The following GALNT10 variants were observed in gnomAD, a reference collection of about 807,000 sequenced individuals.
GALNT10 encodes the protein GalNAc transferase 10.
In GALNT10, 41 loss-of-function variants were observed where a neutral mutation model predicts 75.0. That is an observed-to-expected ratio of 0.55 (90% confidence interval 0.43 to 0.71). The LOEUF is 0.71. Ranked by LOEUF, GALNT10 falls within the 30% of genes least tolerant of loss-of-function variation. GALNT10 has a pLI of 0.00. For synonymous variants in GALNT10, 302 were observed against 313.0 expected, an observed-to-expected ratio of 0.96 and a Z score of 0.37; for missense variants, 727 against 818.5, an observed-to-expected ratio of 0.89 and a Z score of 1.36.
chr5:154,356,936 T>A (rs1265962675), intron 4 of GALNT10, among the ~76,000 whole-genome samples: 1 of 152,278 alleles, frequency 6.6e-6, no homozygotes, highest in African/African-American at 2.4e-5. Context: ...TGATTTTTAG[T>A]GTCTTAAAAG....
intron 3 of GALNT10, among the ~76,000 whole-genome samples, chr5:154,304,883 C>A (rs540571421): frequency 3.0e-4 from 46 of 152,194 alleles, no homozygotes; most frequent in African/African-American, 1.0e-3. Flanking sequence ...ACTATAAACC[C>A]TAAAGCAAGC....
At chr5:154,270,871 G>A (rs1753850433) in intron 1 of GALNT10, among the ~76,000 whole-genome samples, 1 of 151,754 alleles carries the variant, frequency 6.6e-6, no homozygotes, top group African/African-American at 2.4e-5. Context: ...GCGCACACCT[G>A]TAGTCCCAGC....
intron 3 of GALNT10, among the ~76,000 whole-genome samples, chr5:154,305,889 G>A (rs781388081): frequency 2.6e-5 from 4 of 152,052 alleles, no homozygotes; most frequent in Admixed American, 2.0e-4. Flanking sequence ...ATGGTGGCAC[G>A]TGCCTGTAAT....
chr5:154,289,510 T>A (rs1754160030), intron 1 of GALNT10, among the ~76,000 whole-genome samples: 1 of 152,128 alleles, frequency 6.6e-6, no homozygotes, highest in African/African-American at 2.4e-5. Flanking sequence ...AAGCTTACAG[T>A]CTATTCCAGG....
intron 1 of GALNT10, among the ~76,000 whole-genome samples, chr5:154,229,522 A>C (rs1490338315): frequency 6.6e-6 from 1 of 152,058 alleles, no homozygotes; most frequent in Non-Finnish European, 1.5e-5. Context: ...AGGTCAGGAG[A>C]TCGAGACCAT....
chr5:154,194,464 C>T (rs1365340277), intron 1 of GALNT10, among the ~76,000 whole-genome samples: 1 of 152,164 alleles, frequency 6.6e-6, no homozygotes, highest in African/African-American at 2.4e-5. Context: ...AAATCTGATG[C>T]CACTAGGGAA....
intron 3 of GALNT10, among the ~76,000 whole-genome samples, chr5:154,322,847 A>T (rs1754695751): frequency 6.6e-6 from 1 of 152,220 alleles, no homozygotes; most frequent in East Asian, 1.9e-4. Context: ...TACAGCTACA[A>T]ATCAAGAGAT....
intron 8 of GALNT10, among the ~76,000 whole-genome samples, chr5:154,406,694 G>A (rs1352932973): frequency 6.6e-6 from 1 of 152,180 alleles, no homozygotes; most frequent in Non-Finnish European, 1.5e-5. Context: ...CTACTAGGGA[G>A]GCTGAGGCAG....
rs141452682 is a variant in GALNT10 at position 154,418,486 on chromosome 5, C to T, written c.*1514C>T. On this transcript the variant is annotated 3_prime_UTR_variant, in exon 12 of 12. Transcript: ENST00000297107. Reference sequence around the variant, plus strand: ...AGAAATGGAAATCACATTCCACAATCTATGGCTTCCACCAGCTAGCCCAGG... The same window carrying T: ...AGAAATGGAAATCACATTCCACAATTTATGGCTTCCACCAGCTAGCCCAGG... The T allele has an allele frequency of 6.6e-6, 1 of 152,268 alleles. No homozygotes were observed. Among genetic ancestry groups the T allele is most frequent in the Admixed American group, 6.5e-5 (1 of 15,292 alleles). 9.4% of individuals were successfully genotyped at this position (152,268 alleles called of 1,614,324 possible).
intron 4 of GALNT10, among the ~76,000 whole-genome samples, chr5:154,360,407 C>T (rs1423214004): frequency 2.0e-5 from 3 of 149,588 alleles, no homozygotes; most frequent in Non-Finnish European, 3.0e-5. Context: ...GCCACGATTG[C>T]GCCACTGCAT....
At chr5:154,218,043 C>T in intron 1 of GALNT10, 1 of 985,142 alleles carries the variant, frequency 1.0e-6, no homozygotes, top group Non-Finnish European at 1.2e-6. Context: ...CTTCCCCACC[C>T]CAGCCTGGGC....
chr5:154,280,276 T>C (rs1309284286), intron 1 of GALNT10, among the ~76,000 whole-genome samples: 4 of 152,012 alleles, frequency 2.6e-5, no homozygotes, highest in Admixed American at 1.3e-4. Context: ...GTAGAGGAGA[T>C]AGGAAGAGGT....
intron 1 of GALNT10, among the ~76,000 whole-genome samples, chr5:154,249,567 C>A (rs986913925): frequency 6.6e-6 from 1 of 152,102 alleles, no homozygotes; most frequent in Non-Finnish European, 1.5e-5. Context: ...TCCAGCCCCC[C>A]CCAGTAACTT....
chr5:154,219,791 A>G (rs2113654060), intron 1 of GALNT10: 1 of 150,738 alleles, frequency 6.6e-6, no homozygotes, highest in South Asian at 2.1e-4. Context: ...GAATTCTGTA[A>G]GATCTCAAAC....
intron 1 of GALNT10, among the ~76,000 whole-genome samples, chr5:154,196,552 G>C (rs928974940): frequency 2.0e-5 from 3 of 152,118 alleles, no homozygotes; most frequent in Non-Finnish European, 4.4e-5. Flanking sequence ...CTTTCTCTGT[G>C]TGTTGGCTTT....
intron 4 of GALNT10, among the ~76,000 whole-genome samples, chr5:154,372,114 G>A (rs992950287): frequency 3.0e-4 from 46 of 152,304 alleles, no homozygotes; most frequent in African/African-American, 1.1e-3. Flanking sequence ...TACAGACTCT[G>A]GAGCCAGATT....
intron 1 of GALNT10, chr5:154,287,533 C>G (rs1418291919): frequency 2.0e-5 from 3 of 152,008 alleles, no homozygotes; most frequent in South Asian, 4.1e-4. Context: ...TAATTTTTGG[C>G]TTTTGTAAAT....
At chr5:154,392,005 T>C (rs956206820) in intron 7 of GALNT10, among the ~76,000 whole-genome samples, 7 of 152,166 alleles carry the variant, frequency 4.6e-5, no homozygotes, top group Non-Finnish European at 1.0e-4. Flanking sequence ...AAGGTGGGGA[T>C]GGGCTAGTTA....
At chr5:154,282,238 C>A in intron 1 of GALNT10, among the ~76,000 whole-genome samples, 1 of 152,274 alleles carries the variant, frequency 6.6e-6, no homozygotes, top group South Asian at 2.1e-4. Flanking sequence ...TTAATCCATT[C>A]GTCAGGGCAG....
Sources: allele counts gnomAD v4.1 joint callset (sites outside exome capture counted in the v4.1 genomes callset), GRCh38; gene constraint gnomAD v4.1.1; transcripts MANE v1.5; gene names NCBI Gene and HGNC (gene_info 2026-07-23, HGNC 2026-07-21).